The following ADGB variants were observed in gnomAD, a reference collection of about 807,000 sequenced individuals.
ADGB encodes calpain-7-like protein.
A neutral mutation model predicts 210.5 loss-of-function variants in ADGB; 172 were observed. That is an observed-to-expected ratio of 0.82 (90% CI 0.72 to 0.93). The LOEUF (loss-of-function observed/expected upper bound fraction) is 0.93, where lower values mean the gene tolerates loss of function less well. ADGB is among the 40% of genes least tolerant of loss of function. The pLI is 0.00. For missense variants in ADGB, 2,025 were observed against 1,964.8 expected (o/e 1.03, Z -0.58); for synonymous variants, 658 against 662.7 (o/e 0.99, Z 0.11).
rs569176916 is a variant in ADGB at position 146,752,355 on chromosome 6, C to G, written c.3366-175C>G. 3.3e-5 allele frequency among the ~76,000 whole-genome samples: 5 copies of G among 152,118 alleles called. No homozygotes were observed. The South Asian group carries it at 8.3e-4, about 25-fold the overall frequency. On this transcript the variant is annotated intron_variant, in intron 26 of 35. Coordinates refer to ENST00000397944, the MANE Select transcript of ADGB (RefSeq NM_024694.4). ...ACCAAGTAGATGGTGCTAAACTATT[C>G]GTGAGAAACCTGTCCCCAAGATCCA...
Position 146,642,970 on chromosome 6 carries a change from A to G in ADGB, c.238-1803A>G, listed in dbSNP as rs561744557. 4.1e-4 allele frequency among the ~76,000 whole-genome samples: 63 copies of G among 152,050 alleles called. 1 individual carries two copies. The highest frequency in any genetic ancestry group is 1.5e-3 in the African/African-American group (61 of 41,552). ...GAAAAGAAACAGAATCAAGCGACTG[A>G]AAACGAAGAGGAGAAATCAAATAAT... On this transcript the variant is annotated intron_variant, in intron 2 of 35. Coordinates refer to ENST00000397944, the MANE Select transcript of ADGB (RefSeq NM_024694.4).
chr6:146,674,338 T>C (rs569365781), intron 8 of ADGB, among the ~76,000 whole-genome samples: 4 of 151,946 alleles, frequency 2.6e-5, no homozygotes, highest in African/African-American at 7.2e-5. Context: ...TATTTGTGAA[T>C]CTAGTGAAGG....
At chr6:146,704,742 T>C (rs144657590) in intron 13 of ADGB, among the ~76,000 whole-genome samples, 8 of 152,170 alleles carry the variant, frequency 5.3e-5, no homozygotes, top group African/African-American at 1.9e-4. Context: ...TTCTTTTGCT[T>C]TAGCTATTTA....
intron 35 of ADGB, among the ~76,000 whole-genome samples, chr6:146,814,240 A>C (rs1487308738): frequency 3.3e-5 from 5 of 152,234 alleles, no homozygotes; most frequent in African/African-American, 1.2e-4. Flanking sequence ...ATGAAGACAA[A>C]GCAGTCATCT....
intron 1 of ADGB, among the ~76,000 whole-genome samples, chr6:146,634,612 T>C (rs1481531958): frequency 1.3e-5 from 2 of 152,060 alleles, no homozygotes; most frequent in Non-Finnish European, 2.9e-5. Context: ...ATATTTAAAG[T>C]AGGAAACAAG....
intron 1 of ADGB, among the ~76,000 whole-genome samples, chr6:146,630,749 G>A (rs1181283572): frequency 1.3e-5 from 2 of 152,078 alleles, no homozygotes; most frequent in Admixed American, 6.6e-5. Context: ...GTGAAAATAC[G>A]GCTTTCCAAG....
chr6:146,748,283 T>C (rs755031072), intron 26 of ADGB, among the ~76,000 whole-genome samples: 1 of 152,010 alleles, frequency 6.6e-6, no homozygotes, highest in Admixed American at 6.6e-5. Context: ...ATTATGGCAG[T>C]CTGAATTAGG....
rs1203095867 is a variant in ADGB, at chr6:146,801,902, T to C, written c.4709T>C (p.Ile1570Thr). 1.3e-6 allele frequency: 2 copies of C among 1,551,260 alleles called. No individual in the cohort carries two copies. Among genetic ancestry groups the C allele is most frequent in the Admixed American group, 3.9e-5 (2 of 50,920 alleles). The change falls in exon 35 of 36, where the codon ATT (isoleucine) becomes ACT (threonine). Residue 1570 changes from isoleucine to threonine, a missense_variant. Ile to Thr is a moderately conservative substitution (Grantham distance 89). Transcript: ENST00000397944. ...QQQAMQKAEEIHQFRQHRTRV... is the reference protein window; with the variant it reads ...QQQAMQKAEETHQFRQHRTRV... Reference sequence around the variant, plus strand: ...CAGGCAATGCAAAAGGCGGAAGAAATTCATCAGTTTCGACAGCATAGGACC... The same window carrying C: ...CAGGCAATGCAAAAGGCGGAAGAAACTCATCAGTTTCGACAGCATAGGACC...
intron 3 of ADGB, 51 bp downstream of exon 3, chr6:146,644,916 T>A (rs1287847935): frequency 4.4e-6 from 5 of 1,134,434 alleles, no homozygotes; most frequent in Non-Finnish European, 6.1e-6. Context: ...GGATGTATTA[T>A]CCTACTGATA....
chr6:146,762,156 TG>T (rs1554252142), intron 27 of ADGB, among the ~76,000 whole-genome samples: 6 of 151,558 alleles, frequency 4.0e-5, no homozygotes, highest in Admixed American at 6.6e-5. Flanking sequence ...CATATTTTTT[TG>T]GGGGGGTCAC....
intron 35 of ADGB, among the ~76,000 whole-genome samples, chr6:146,810,807 A>G (rs1778292594): frequency 6.6e-6 from 1 of 152,138 alleles, no homozygotes; most frequent in Admixed American, 6.5e-5. Flanking sequence ...GGGTGAGAGA[A>G]ATGGGGAGAT....
intron 12 of ADGB, among the ~76,000 whole-genome samples, chr6:146,694,715 A>C (rs4052685): frequency 0.28 from 41,943 of 151,984 alleles, 6,246 homozygotes; most frequent in African/African-American, 0.4. Context: ...ATTTGACAAC[A>C]ATTATATATG....
chr6:146,804,086 A>G (rs891084905), intron 35 of ADGB, among the ~76,000 whole-genome samples: 1 of 152,190 alleles, frequency 6.6e-6, no homozygotes, highest in Non-Finnish European at 1.5e-5. Context: ...ACCCCAGTAG[A>G]AGAATAGGTG....
intron 1 of ADGB, among the ~76,000 whole-genome samples, chr6:146,615,945 T>G (rs1263400374): frequency 6.6e-6 from 1 of 152,202 alleles, no homozygotes; most frequent in Non-Finnish European, 1.5e-5. Context: ...GAGATTGCTA[T>G]ATCATATGGT....
At chr6:146,619,883 G>T (rs1780863545) in intron 1 of ADGB, among the ~76,000 whole-genome samples, 1 of 152,028 alleles carries the variant, frequency 6.6e-6, no homozygotes, top group South Asian at 2.1e-4. Flanking sequence ...AATAACTGCA[G>T]ATGTTTTTGT....
chr6:146,673,058 T>TATGTAAAACCCAAGCTAAG (rs1776038326), intron 8 of ADGB, among the ~76,000 whole-genome samples: 1 of 152,160 alleles, frequency 6.6e-6, no homozygotes, highest in Non-Finnish European at 1.5e-5. Flanking sequence ...GAGTCTTATC[T>TATGTAAAACCCAAGCTAAG]ATGTAAAACC....
intron 28 of ADGB, among the ~76,000 whole-genome samples, chr6:146,766,406 G>A (rs1486675850): frequency 6.7e-6 from 1 of 150,014 alleles, no homozygotes; most frequent in East Asian, 2.0e-4. Context: ...CAGGCTGGGC[G>A]ACAGAGCGAG....
chr6:146,783,696 T>G (rs1469384293), intron 30 of ADGB, among the ~76,000 whole-genome samples: 2 of 152,180 alleles, frequency 1.3e-5, no homozygotes, highest in African/African-American at 4.8e-5. Flanking sequence ...ATTATATCAA[T>G]CCACTCTTCC....
intron 29 of ADGB, among the ~76,000 whole-genome samples, chr6:146,778,696 C>T (rs1777756174): frequency 6.6e-6 from 1 of 152,186 alleles, no homozygotes; most frequent in South Asian, 2.1e-4. Flanking sequence ...CCTTCCTCCA[C>T]AGAGTGCTCT....
Sources: allele counts gnomAD v4.1 joint callset (sites outside exome capture counted in the v4.1 genomes callset), GRCh38; gene constraint gnomAD v4.1.1; transcripts MANE v1.5; gene names NCBI Gene and HGNC (gene_info 2026-07-23, HGNC 2026-07-21).